Variants in TNNT2 observed in about 807,000 individuals in gnomAD.
The protein encoded by TNNT2 is troponin T, cardiac muscle.
Under a neutral mutation model 62.4 loss-of-function variants are expected in TNNT2, and 34 were observed. That is an observed-to-expected ratio of 0.54 (90% CI 0.41 to 0.72). The LOEUF (loss-of-function observed/expected upper bound fraction) is 0.72. Ranked by LOEUF, TNNT2 falls within the 30% of genes least tolerant of loss-of-function variation. The pLI, the probability that TNNT2 is intolerant of heterozygous loss-of-function variation, is 0.00. For missense variants in TNNT2, 275 were observed against 381.9 expected (o/e 0.72, Z 2.33); for synonymous variants, 123 against 127.2 (o/e 0.97, Z 0.22).
At chr1:201,376,250 C>A (rs925832975) in intron 1 of TNNT2, among the ~76,000 whole-genome samples, 1 of 152,168 alleles carries the variant, frequency 6.6e-6, no homozygotes, top group African/African-American at 2.4e-5. Flanking sequence ...AGGCATAAGG[C>A]ATACTGACCT....
At position 201,363,363 on chromosome 1, in the gene TNNT2, G is replaced by A; in HGVS notation, c.533C>T (p.Ala178Val). Residue 178 changes from alanine (A) to valine (V), a missense_variant, in exon 12 of 17, where the codon GCT becomes GTT. By Grantham distance (64) the Ala-to-Val change is moderately conservative (BLOSUM62 0). Coordinates refer to ENST00000656932, the MANE Select transcript of TNNT2 (RefSeq NM_001276345.2). ...RREEEENRRK[A>V]EDEARKKKAL... is the part of the protein sequence containing the mutation. ...CTTCTTCTTCCGGGCCTCATCCTCA[G>A]CCTTCCTCCTGTTCTCCTCCTCCTC... is the stretch of plus-strand genomic sequence containing the variant. 6.2e-7 allele frequency: 1 copy of A among 1,614,156 alleles called. No individual in the cohort carries two copies. Among genetic ancestry groups the A allele is most frequent in the South Asian group, 1.1e-5 (1 of 91,080 alleles).
chr1:201,361,921 ATCT>A lies in TNNT2; in HGVS notation c.708_710del (p.Glu236del). 2 of 1,614,050 alleles carry A rather than the reference ATCT, an allele frequency of 1.2e-6. No individual in the cohort carries two copies. The highest frequency in any genetic ancestry group is 1.7e-6 in the Non-Finnish European group (2 of 1,179,932). ...TTCCTCCCAGCCCCCACCTCAGCTG[ATCT>A]TCATTCAGGTGGTCAATGGCCAGCA... On this transcript the variant is annotated inframe_deletion, in exon 14 of 17. Transcript: ENST00000656932.
chr1:201,372,154 C>A lies in TNNT2; in HGVS notation c.43G>T (p.Glu15Ter). Reference protein sequence around the residue: ...EEVVEEYEEEEQEEAAVEEEE... With the variant: ...EEVVEEYEEE ...ACACGTTTACGCTTACCTTCCTGCT[C>A]CCTGAGAGCAACAGGAAACACTGTC... Residue 15 changes from glutamate (E) to a stop codon, truncating the protein, a stop_gained and splice_region_variant, in exon 3 of 17, where the codon GAG (glutamate) becomes TAG (stop). Coordinates refer to ENST00000656932, the MANE Select transcript of TNNT2 (RefSeq NM_001276345.2). LOFTEE classifies it high-confidence loss of function. 6.2e-7 allele frequency: 1 copy of A among 1,614,174 alleles called. No homozygotes were observed. Among genetic ancestry groups the A allele is most frequent in the Non-Finnish European group, 8.5e-7 (1 of 1,180,036 alleles).
At chr1:201,368,020 A>C in intron 6 of TNNT2, 142 bp downstream of exon 6, 1 of 1,019,034 alleles carries the variant, frequency 9.8e-7, no homozygotes. Flanking sequence ...TTGATTGGGC[A>C]ATCAATGGTT....
At chr1:201,368,552 A>C (rs1291542089) in intron 5 of TNNT2, 2 of 479,844 alleles carry the variant, frequency 4.2e-6, no homozygotes, top group Non-Finnish European at 8.2e-6. Context: ...GGTGTCCAGA[A>C]GCTCCTGTCC....
Position 201,364,363 on chromosome 1 carries a change from CCCGA to C in TNNT2, c.420_423del (p.Arg141GlnfsTer50). The C allele has an allele frequency of 6.2e-7, 1 of 1,612,878 alleles. No homozygotes were observed. Among genetic ancestry groups the C allele is most frequent in the African/African-American group, 1.3e-5 (1 of 75,062 alleles). On this transcript the variant is annotated frameshift_variant, in exon 11 of 17. Transcript: ENST00000656932. LOFTEE classifies it high-confidence loss of function. ...ATGCGCTGCTGCTCGGCCCGCTCTG[CCCGA>C]CGTCTCTCCTAAGGAGAAGAGGCAA...
intron 11 of TNNT2, 35 bp downstream of exon 11, chr1:201,364,263 G>A: frequency 6.2e-7 from 1 of 1,600,410 alleles, no homozygotes; most frequent in Non-Finnish European, 8.5e-7. Context: ...GGGAGCATGG[G>A]GGGCCTCCAT....
At chr1:201,362,114 T>A (rs1431757974) in intron 13 of TNNT2, 92 bp from the exon 14 acceptor site, 1 of 1,400,976 alleles carries the variant, frequency 7.1e-7, no homozygotes. Context: ...GAGCAAGGCC[T>A]GCAGGAGGGC....
At position 201,359,135 on chromosome 1, in the gene TNNT2, G is replaced by A; in HGVS notation, c.*75C>T. 6.4e-7 allele frequency: 1 copy of A among 1,556,420 alleles called. No homozygotes were observed. Among genetic ancestry groups the A allele is most frequent in the Non-Finnish European group, 8.7e-7 (1 of 1,146,006 alleles). On this transcript the variant is annotated 3_prime_UTR_variant, in exon 17 of 17. Coordinates refer to ENST00000656932, the MANE Select transcript of TNNT2 (RefSeq NM_001276345.2). ...GGAGCTGCCTGGGGTGCCCAGGAGGGCCCGGGAACTGGGGGAGTGCAGGCC... is the reference window on the plus strand; with the variant it reads ...GGAGCTGCCTGGGGTGCCCAGGAGGACCCGGGAACTGGGGGAGTGCAGGCC...
At chr1:201,375,876 C>T (rs1359933424) in intron 1 of TNNT2, among the ~76,000 whole-genome samples, 2 of 152,244 alleles carry the variant, frequency 1.3e-5, no homozygotes, top group Non-Finnish European at 2.9e-5. Flanking sequence ...GAGGACAGAG[C>T]AGCTTGGACT....
In TNNT2 at chr1:201,359,220, C is replaced by A. The variant is rs141121678; in HGVS notation, c.887G>T (p.Arg296Leu). ...GAAGGAGGCCAGGCTCTATTTCCAG[C>A]GCCCGGTGACTTTAGCCTTCCCGCG... ...KTRGKAKVTG[R>L]WK Residue 296 changes from arginine to leucine, a missense_variant, in exon 17 of 17, where the codon CGC (arginine) becomes CTC (leucine). Transcript: ENST00000656932. 1.2e-6 allele frequency: 2 copies of A among 1,610,268 alleles called. No individual in the cohort carries two copies. Among genetic ancestry groups the A allele is most frequent in the Non-Finnish European group, 1.7e-6 (2 of 1,178,906 alleles).
At chr1:201,374,161 A>G (rs1216376571) in intron 1 of TNNT2, 1 of 152,234 alleles carries the variant, frequency 6.6e-6, no homozygotes, top group Non-Finnish European at 1.5e-5. Flanking sequence ...TTGATATAGT[A>G]CTAATTTTGC....
chr1:201,371,893 G>T, intron 4 of TNNT2, 134 bp downstream of exon 4: 2 of 1,183,234 alleles, frequency 1.7e-6, no homozygotes, highest in East Asian at 2.5e-5. Flanking sequence ...ATTTTAGAAG[G>T]CACTGTTGTT....
chr1:201,363,847 CAG>C, intron 11 of TNNT2: 1 of 293,942 alleles, frequency 3.4e-6, no homozygotes, highest in Non-Finnish European at 6.4e-6. Context: ...AGACAATGCC[CAG>C]CACTTCCTAG....
In TNNT2 at chr1:201,377,640, C is replaced by T. The variant is rs935914838; in HGVS notation, c.-32G>A. ...AGCCTTACCTCAGAACAGCAGCTGC[C>T]GACAGATCCTGGAGGCGTCTGCTCA... On this transcript the variant is annotated 5_prime_UTR_variant, in exon 1 of 17. Coordinates refer to ENST00000656932, the MANE Select transcript of TNNT2 (RefSeq NM_001276345.2). 10 of 456,258 alleles carry T rather than the reference C, an allele frequency of 2.2e-5. No individual in the cohort carries two copies. Among genetic ancestry groups the T allele is most frequent in the African/African-American group, 1.0e-4 (5 of 50,182 alleles). The allele number at this position is 456,258 out of a possible 1,614,324, so 28.3% of individuals were successfully genotyped here.
At chr1:201,366,432 C>T in intron 8 of TNNT2, 4 of 1,117,674 alleles carry the variant, frequency 3.6e-6, no homozygotes, top group Non-Finnish European at 4.4e-6. Flanking sequence ...TGCCCTCTCT[C>T]AGCTCTCTGA....
At chr1:201,366,944 C>T (rs1659768400) in intron 7 of TNNT2, 73 bp from the exon 8 acceptor site, 1 of 1,612,828 alleles carries the variant, frequency 6.2e-7, no homozygotes, top group Non-Finnish European at 8.5e-7. Flanking sequence ...CCTCGATGAG[C>T]TAGATCCCTG....
intron 2 of TNNT2, 74 bp downstream of exon 2, chr1:201,373,140 G>A (rs1258846886): frequency 6.9e-7 from 1 of 1,453,610 alleles, no homozygotes; most frequent in African/African-American, 1.4e-5. Flanking sequence ...GGGACAGCTG[G>A]GAGGCTCCTG....
chr1:201,369,702 C>T (rs186532995), intron 5 of TNNT2, 114 bp downstream of exon 5: 1,067 of 1,311,046 alleles, frequency 8.1e-4, no homozygotes, highest in Admixed American at 2.2e-3. Flanking sequence ...TGACCCACTC[C>T]GTCCCTGCCG....
Sources: gnomAD v4.1 joint callset for allele counts (sites outside exome capture counted in the v4.1 genomes callset) on GRCh38, gnomAD v4.1.1 for gene constraint, MANE v1.5 for transcripts, NCBI Gene and HGNC (gene_info 2026-07-23, HGNC 2026-07-21) for gene names.